Variants in CASP5 observed in about 807,000 individuals in gnomAD.
CASP5 encodes caspase 5.
In CASP5, 42 loss-of-function variants were observed where a neutral mutation model predicts 45.2. The ratio of observed to expected loss-of-function variants is 0.93; its 90% CI spans 0.73 to 1.20. The LOEUF is 1.20. CASP5 is among the 50% of genes most tolerant of loss of function. The probability of loss-of-function intolerance (pLI) is 0.00; values close to 1 mark genes in which losing one functional copy is unlikely to be tolerated. For synonymous variants in CASP5, 209 were observed against 186.2 expected, an observed-to-expected ratio of 1.12 and a Z score of -1.00; for missense variants, 512 against 532.2, an observed-to-expected ratio of 0.96 and a Z score of 0.37.
intron 1 of CASP5, among the ~76,000 whole-genome samples, chr11:105,012,748 T>TAA (rs35831463): frequency 2.0e-5 from 3 of 149,056 alleles, no homozygotes; most frequent in African/African-American, 7.4e-5. Flanking sequence ...ATGGGTATTA[T>TAA]AAAAAAAAAA....
intron 1 of CASP5, among the ~76,000 whole-genome samples, chr11:105,021,667 C>T (rs1286420606): frequency 6.8e-6 from 1 of 147,188 alleles, no homozygotes; most frequent in African/African-American, 2.5e-5. Context: ...ACAACAGGTG[C>T]TGGAGAGGAT....
At position 104,995,649 on chromosome 11, in the gene CASP5, A is replaced by G. The variant is rs1014631511; in HGVS notation, c.*4+91T>C. ...ATCAATAAAGAACACTAACTTGACCATATAAGCAGTCAGCTGTCATTGGTC... is the reference window on the plus strand; with the variant it reads ...ATCAATAAAGAACACTAACTTGACCGTATAAGCAGTCAGCTGTCATTGGTC... On this transcript the variant is annotated intron_variant, in intron 9 of 9. Coordinates refer to ENST00000260315, the MANE Select transcript of CASP5 (RefSeq NM_004347.5). 6 of 770,346 alleles carry G rather than the reference A, an allele frequency of 7.8e-6. No individual in the cohort carries two copies. The African/African-American group carries it at 1.0e-4, about 13-fold the overall frequency. The allele number at this position is 770,346 out of a possible 1,614,324, so 47.7% of individuals were successfully genotyped here.
At chr11:104,996,378 G>A (rs1861471768) in intron 8 of CASP5, among the ~76,000 whole-genome samples, 1 of 152,220 alleles carries the variant, frequency 6.6e-6, no homozygotes, top group African/African-American at 2.4e-5. Context: ...ACCCTCAAAA[G>A]TACAATGTCT....
intron 1 of CASP5, among the ~76,000 whole-genome samples, chr11:105,011,420 C>A (rs1390689941): frequency 2.0e-5 from 3 of 151,680 alleles, no homozygotes; most frequent in Non-Finnish European, 4.4e-5. Flanking sequence ...CCCACTTTCA[C>A]CGCTTCTATT....
chr11:104,998,477 T>C (rs925373628), intron 7 of CASP5, among the ~76,000 whole-genome samples: 2 of 152,164 alleles, frequency 1.3e-5, no homozygotes, highest in African/African-American at 4.8e-5. Flanking sequence ...AAGTGGGATA[T>C]ATGTAGAAGA....
chr11:105,012,839 A>G (rs905643191), intron 1 of CASP5, among the ~76,000 whole-genome samples: 11 of 151,914 alleles, frequency 7.2e-5, no homozygotes, highest in Non-Finnish European at 1.6e-4. Context: ...TACAGTCATA[A>G]TGAAAAACAA....
intron 7 of CASP5, among the ~76,000 whole-genome samples, chr11:104,998,150 G>A (rs977995855): frequency 6.6e-6 from 1 of 152,128 alleles, no homozygotes. Flanking sequence ...GAGGAGAGAT[G>A]TTTACAGCAT....
intron 1 of CASP5, among the ~76,000 whole-genome samples, chr11:105,013,703 C>T (rs1054118771): frequency 3.3e-5 from 5 of 152,034 alleles, no homozygotes; most frequent in East Asian, 1.9e-4. Context: ...GAAACCCATA[C>T]GTCCAAAAAT....
At chr11:105,010,615 T>C (rs981551827) in intron 1 of CASP5, among the ~76,000 whole-genome samples, 1 of 151,240 alleles carries the variant, frequency 6.6e-6, no homozygotes, top group Non-Finnish European at 1.5e-5. Context: ...AATAAACCAG[T>C]AGAATATTTA....
chr11:104,997,639 G>A (rs1861527212), intron 7 of CASP5, 147 bp from the exon 8 acceptor site: 1 of 505,586 alleles, frequency 2.0e-6, no homozygotes, highest in Non-Finnish European at 3.5e-6. Context: ...TCACACAGAG[G>A]AAACAGAAAA....
In CASP5 at chr11:105,003,283, A is replaced by AT. The variant is rs765105588; in HGVS notation, c.533dup (p.Asn178LysfsTer3). ...ACAGAGAGCACAGCACCTCATCATG[A>AT]TTTTTTTTACACAGTCTCAGGAATT... On this transcript the variant is annotated frameshift_variant, in exon 4 of 10. Transcript: ENST00000260315. LOFTEE classifies it high-confidence loss of function. 6.5e-5 allele frequency: 103 copies of AT among 1,584,144 alleles called. No homozygotes were observed. The highest frequency in any genetic ancestry group is 7.5e-5 in the Non-Finnish European group (87 of 1,155,832).
intron 3 of CASP5, among the ~76,000 whole-genome samples, chr11:105,004,729 T>C (rs1204171221): frequency 1.3e-5 from 2 of 152,186 alleles, no homozygotes; most frequent in East Asian, 3.8e-4. Flanking sequence ...GCGTGAGTTC[T>C]GGGAATGCAA....
At chr11:104,994,972 C>T (rs1315514314) in intron 9 of CASP5, among the ~76,000 whole-genome samples, 2 of 152,214 alleles carry the variant, frequency 1.3e-5, no homozygotes, top group South Asian at 2.1e-4. Flanking sequence ...CTGGCAGAAC[C>T]TCCCACCAGA....
rs1862974249 is a variant in CASP5, at chr11:105,021,750, G to T, written c.7+1380C>A. Among the ~76,000 whole-genome samples the T allele has an allele frequency of 4.0e-5, 6 of 148,790 alleles. No homozygotes were observed. In the South Asian group the frequency reaches 1.3e-3, roughly 32 times the overall value. ...GTTCAACCATTGTGGAAGTCAGTGT[G>T]GCGATTCCACAGGGATCTAGAACTA... On this transcript the variant is annotated intron_variant, in intron 1 of 9. Coordinates refer to ENST00000260315, the MANE Select transcript of CASP5 (RefSeq NM_004347.5).
Position 105,013,829 on chromosome 11 carries a change from CCTAA to C in CASP5, c.8-4853_8-4850del, listed in dbSNP as rs561097358. Among the ~76,000 whole-genome samples, 337 of 152,164 alleles carry C rather than the reference CCTAA, an allele frequency of 2.2e-3. 2 individuals are homozygous for C. The highest frequency in any genetic ancestry group is 8.0e-3 in the African/African-American group (331 of 41,528). ...CTCCTCCATATAGTAAAAAATAATA[CCTAA>C]CTTCCAAGTGCGGGAAGGCAGCAAA... On this transcript the variant is annotated intron_variant, in intron 1 of 9. Transcript: ENST00000260315.
intron 1 of CASP5, among the ~76,000 whole-genome samples, chr11:105,018,226 G>A (rs1862740268): frequency 6.6e-6 from 1 of 151,132 alleles, no homozygotes; most frequent in African/African-American, 2.4e-5. Context: ...AGACCATCGA[G>A]ACTAGGAAGA....
At chr11:105,009,067 C>A in intron 1 of CASP5, 87 bp from the exon 2 acceptor site, 1 of 1,159,956 alleles carries the variant, frequency 8.6e-7, no homozygotes, top group Admixed American at 2.1e-5. Flanking sequence ...TAATGTGAAA[C>A]ACCCTTGAAA....
chr11:105,009,741 A>ACACACG (rs1341863592), intron 1 of CASP5, among the ~76,000 whole-genome samples: 1 of 73,986 alleles, frequency 1.4e-5, no homozygotes, highest in African/African-American at 5.7e-5. Context: ...ATATATATAT[A>ACACACG]TATATATATA....
chr11:104,997,666 C>CA, intron 7 of CASP5, among the ~76,000 whole-genome samples, 174 bp from the exon 8 acceptor site: 1 of 152,122 alleles, frequency 6.6e-6, no homozygotes, highest in Admixed American at 6.5e-5. Flanking sequence ...AAAGGTTGAA[C>CA]AAAAAAGACA....
Sources: allele counts gnomAD v4.1 joint callset (sites outside exome capture counted in the v4.1 genomes callset), GRCh38; gene constraint gnomAD v4.1.1; transcripts MANE v1.5; gene names NCBI Gene and HGNC (gene_info 2026-07-23, HGNC 2026-07-21).